NRP2: variants seen among roughly 807,000 people sequenced by gnomAD.
NRP2 encodes neuropilin 2, also known as neuropilin-2.
NRP2 carries 52 observed loss-of-function variants against 110.4 expected under a neutral mutation model. The ratio of observed to expected loss-of-function variants is 0.47; its 90% CI spans 0.38 to 0.59. NRP2 has a LOEUF of 0.59. Ranked by LOEUF, NRP2 falls within the 20% of genes least tolerant of loss-of-function variation. NRP2 has a pLI of 0.00. For synonymous variants in NRP2, 508 were observed against 468.9 expected, an observed-to-expected ratio of 1.08 and a Z score of -1.08; for missense variants, 1,049 against 1,203.0, an observed-to-expected ratio of 0.87 and a Z score of 1.89.
At chr2:205,770,878 G>A (rs1336989985) in intron 15 of NRP2, among the ~76,000 whole-genome samples, 2 of 152,128 alleles carry the variant, frequency 1.3e-5, no homozygotes, top group African/African-American at 4.8e-5. Context: ...TCCTTCCCCA[G>A]GGGACACAGA....
At chr2:205,776,684 C>T in intron 15 of NRP2, 2 of 1,529,848 alleles carry the variant, frequency 1.3e-6, no homozygotes, top group South Asian at 1.2e-5. Context: ...TCCCAACCAT[C>T]CTCCTTGGGT....
intron 1 of NRP2, among the ~76,000 whole-genome samples, chr2:205,690,461 C>T (rs577477476): frequency 1.9e-3 from 292 of 152,120 alleles, no homozygotes; most frequent in Non-Finnish European, 3.2e-3. Flanking sequence ...AATGGCCGAG[C>T]ATGGTGGCTC....
chr2:205,751,883 C>T (rs953386429), intron 11 of NRP2, among the ~76,000 whole-genome samples: 1 of 152,168 alleles, frequency 6.6e-6, no homozygotes, highest in Non-Finnish European at 1.5e-5. Flanking sequence ...CAGGCACTGC[C>T]GGCAAACAAC....
chr2:205,722,248 A>T, intron 3 of NRP2: 2 of 567,514 alleles, frequency 3.5e-6, no homozygotes, highest in Non-Finnish European at 6.3e-6. Context: ...CAATTCCTCA[A>T]TTGCTGCTCT....
At chr2:205,738,798 G>A (rs849578) in intron 7 of NRP2, among the ~76,000 whole-genome samples, 1 of 152,086 alleles carries the variant, frequency 6.6e-6, no homozygotes. Context: ...GGCTGGGTGC[G>A]CAGGGGGCAC....
At chr2:205,722,778 G>A in intron 4 of NRP2, 70 bp downstream of exon 4, 1 of 1,315,334 alleles carries the variant, frequency 7.6e-7, no homozygotes, top group Non-Finnish European at 1.1e-6. Context: ...TGATGATAAA[G>A]AGGAAGAACA....
chr2:205,777,279 G>T lies in NRP2; in HGVS notation c.2425+10476G>T, dbSNP rs117667663. 510 of 357,940 alleles carry T rather than the reference G, an allele frequency of 1.4e-3. 4 individuals are homozygous for T. The East Asian group carries it at 0.016, about 11-fold the overall frequency. 22.2% of individuals were successfully genotyped at this position (357,940 alleles called of 1,614,324 possible). A position where few individuals can be genotyped will look rare whatever the true frequency, so the allele number is the denominator to read the frequency against. ...CCCAACCCACCTGACCCAAGAGAAG[G>T]TTCCCCTAGCACACTCAAACAAGAC... is the stretch of plus-strand genomic sequence containing the variant. On this transcript the variant is annotated intron_variant, in intron 15 of 16. Coordinates refer to ENST00000357785, the MANE Select transcript of NRP2 (RefSeq NM_003872.3).
intron 15 of NRP2, among the ~76,000 whole-genome samples, chr2:205,771,008 G>A (rs1306130570): frequency 6.6e-6 from 1 of 152,194 alleles, no homozygotes; most frequent in Non-Finnish European, 1.5e-5. Context: ...TTATCTATGG[G>A]TGGAAGAAAA....
At chr2:205,788,726 T>C (rs1336030570) in intron 15 of NRP2, among the ~76,000 whole-genome samples, 2 of 152,184 alleles carry the variant, frequency 1.3e-5, no homozygotes, top group Admixed American at 1.3e-4. Flanking sequence ...CCAGCAGCAC[T>C]TGGGAGTCCT....
chr2:205,717,116 C>T, intron 3 of NRP2, among the ~76,000 whole-genome samples: 1 of 146,744 alleles, frequency 6.8e-6, no homozygotes, highest in East Asian at 1.9e-4. Context: ...ATTCACAAGA[C>T]CCCGCTTCAT....
chr2:205,752,780 G>A, intron 11 of NRP2, 55 bp from the exon 12 acceptor site: 3 of 1,600,018 alleles, frequency 1.9e-6, no homozygotes, highest in South Asian at 2.2e-5. Flanking sequence ...CACTGTGGCT[G>A]TTCTCTGAAC....
intron 15 of NRP2, among the ~76,000 whole-genome samples, chr2:205,783,034 A>G (rs180693126): frequency 5.2e-4 from 79 of 152,296 alleles, no homozygotes; most frequent in African/African-American, 1.8e-3. Flanking sequence ...CCTGCTTGAG[A>G]GCATAGCAGA....
At chr2:205,778,167 A>T (rs1254336023) in intron 15 of NRP2, 1 of 152,060 alleles carries the variant, frequency 6.6e-6, no homozygotes, top group East Asian at 1.9e-4. Flanking sequence ...ACTCCAAAGA[A>T]GTTTGCCTGG....
Position 205,723,939 on chromosome 2 carries a change from G to A in NRP2, c.819G>A (p.Glu273=). Residue 273 remains glutamate (E), a splice_region_variant and synonymous_variant, in exon 5 of 17, where the codon GAG becomes GAA. Coordinates refer to ENST00000357785, the MANE Select transcript of NRP2 (RefSeq NM_003872.3). ...RYYLVHQEPL[E]NFQCNVPLGM... ...ACCTGGTCCACCAAGAGCCACTAGA[G>A]AGTGAGTTGGCCGATTGGGAACCTC... 3 of 1,614,070 alleles carry A rather than the reference G, an allele frequency of 1.9e-6. No individual in the cohort carries two copies. Among genetic ancestry groups the A allele is most frequent in the Non-Finnish European group, 2.5e-6 (3 of 1,179,980 alleles).
chr2:205,721,102 C>T (rs904839301), intron 3 of NRP2, among the ~76,000 whole-genome samples: 3 of 152,212 alleles, frequency 2.0e-5, no homozygotes, highest in Non-Finnish European at 4.4e-5. Context: ...TCTTCCAAAT[C>T]AGACATTTGC....
intron 7 of NRP2, among the ~76,000 whole-genome samples, chr2:205,730,334 C>T (rs987956913): frequency 1.5e-4 from 22 of 147,424 alleles, no homozygotes; most frequent in South Asian, 2.2e-4. Flanking sequence ...TCAAGTCTGC[C>T]GCAGTTTGAT....
Position 205,722,617 on chromosome 2 carries a change from C to T in NRP2, c.573C>T (p.Phe191=), listed in dbSNP as rs750022748. Residue 191 remains phenylalanine (F), a synonymous_variant, in exon 4 of 17, where the codon TTC becomes TTT. Coordinates refer to ENST00000357785, the MANE Select transcript of NRP2 (RefSeq NM_003872.3). The part of the protein sequence containing the change: ...AKPKMEIILQ[F]LIFDLEHDPL... Reference sequence around the variant, plus strand: ...CCAAGATGGAGATCATCCTGCAGTTCCTGATCTTTGACCTGGAGCATGACC... The same window carrying T: ...CCAAGATGGAGATCATCCTGCAGTTTCTGATCTTTGACCTGGAGCATGACC... The T allele has an allele frequency of 2.5e-6, 4 of 1,614,210 alleles. No individual in the cohort carries two copies. Among genetic ancestry groups the T allele is most frequent in the Non-Finnish European group, 3.4e-6 (4 of 1,180,046 alleles).
intron 2 of NRP2, among the ~76,000 whole-genome samples, chr2:205,698,093 C>T (rs1464171437): frequency 1.3e-5 from 2 of 151,994 alleles, no homozygotes; most frequent in Non-Finnish European, 2.9e-5. Context: ...ATGTATAAAC[C>T]CCACCCACTT....
intron 13 of NRP2, among the ~76,000 whole-genome samples, chr2:205,764,789 C>T (rs2057886854): frequency 6.6e-6 from 1 of 152,178 alleles, no homozygotes; most frequent in South Asian, 2.1e-4. Context: ...CTTCCCCACC[C>T]CCATCTGGGT....
Sources: allele counts gnomAD v4.1 joint callset (sites outside exome capture counted in the v4.1 genomes callset), GRCh38; gene constraint gnomAD v4.1.1; transcripts MANE v1.5; gene names NCBI Gene and HGNC (gene_info 2026-07-23, HGNC 2026-07-21).